Variants in CYFIP1 observed in about 807,000 individuals in gnomAD.
The protein encoded by CYFIP1 is cytoplasmic FMR1 interacting protein 1.
A neutral mutation model predicts 163.5 loss-of-function variants in CYFIP1; 58 were observed. The ratio of observed to expected loss-of-function variants is 0.35; its 90% CI spans 0.29 to 0.44. The LOEUF is 0.44. CYFIP1 is among the 20% of genes least tolerant of loss of function. The probability of loss-of-function intolerance (pLI) is 1.00; values close to 1 mark genes in which losing one functional copy is unlikely to be tolerated. For missense variants in CYFIP1, 1,338 were observed against 1,653.8 expected, an observed-to-expected ratio of 0.81 and a Z score of 3.31; for synonymous variants, 663 against 660.7, an observed-to-expected ratio of 1.00 and a Z score of -0.05.
Position 22,867,336 on chromosome 15 carries a change from T to C in CYFIP1, c.*2692A>G. 1 of 396,628 alleles carries C rather than the reference T, an allele frequency of 2.5e-6. No homozygotes were observed. The highest frequency in any genetic ancestry group is 4.4e-6 in the Non-Finnish European group (1 of 225,106). The allele number at this position is 396,628 out of a possible 1,614,324, so 24.6% of individuals were successfully genotyped here. On this transcript the variant is annotated 3_prime_UTR_variant, in exon 31 of 31. Coordinates refer to ENST00000617928, the MANE Select transcript of CYFIP1 (RefSeq NM_014608.6). Reference sequence around the variant, plus strand: ...ATGATGATTGGTTTTATTTTTGAAATATTTATTAAGGGAAAACTAAGTTAC... The same window carrying C: ...ATGATGATTGGTTTTATTTTTGAAACATTTATTAAGGGAAAACTAAGTTAC...
intron 26 of CYFIP1, among the ~76,000 whole-genome samples, chr15:22,875,886 A>ATT (rs941152512): frequency 6.4e-5 from 1 of 15,630 alleles, no homozygotes; most frequent in Non-Finnish European, 1.5e-4. Context: ...CCAGAATAAC[A>ATT]TATATATATA....
At position 22,951,474 on chromosome 15, in the gene CYFIP1, G is replaced by A. The variant is rs901163568; in HGVS notation, c.-6-4183C>T. On this transcript the variant is annotated intron_variant, in intron 1 of 30. Transcript: ENST00000617928. Reference sequence around the variant, plus strand: ...GTCCACGCAGGCACCTCAGGGTGATGCCGCTCGGAGGGGCCAGGCTGCCTG... The same window carrying A: ...GTCCACGCAGGCACCTCAGGGTGATACCGCTCGGAGGGGCCAGGCTGCCTG... 3 of 1,289,104 alleles carry A rather than the reference G, an allele frequency of 2.3e-6. No homozygotes were observed. The African/African-American group carries it at 4.6e-5, about 20-fold the overall frequency. The allele number at this position is 1,289,104 out of a possible 1,614,324, so 79.9% of individuals were successfully genotyped here.
intron 1 of CYFIP1, among the ~76,000 whole-genome samples, chr15:22,957,100 G>A (rs974617829): frequency 3.3e-5 from 5 of 152,208 alleles, no homozygotes; most frequent in East Asian, 1.9e-4. Context: ...TGTGGCAGGC[G>A]GCACGCCGAC....
Position 22,954,805 on chromosome 15 carries a change from A to G in CYFIP1, c.-6-7514T>C, listed in dbSNP as rs866202551. 5.3e-5 allele frequency among the ~76,000 whole-genome samples: 8 copies of G among 152,336 alleles called. No homozygotes were observed. The Middle Eastern group carries it at 0.014, about 259-fold the overall frequency. Reference sequence around the variant, plus strand: ...TCAGTTCGTTTATTTTGTAAATTTAAGAGTTTTTAAAAATAAAGATTTCAA... The same window carrying G: ...TCAGTTCGTTTATTTTGTAAATTTAGGAGTTTTTAAAAATAAAGATTTCAA... On this transcript the variant is annotated intron_variant, in intron 1 of 30. Coordinates refer to ENST00000617928, the MANE Select transcript of CYFIP1 (RefSeq NM_014608.6).
At chr15:22,932,864 C>T (rs1383843699) in intron 10 of CYFIP1, among the ~76,000 whole-genome samples, 1 of 152,150 alleles carries the variant, frequency 6.6e-6, no homozygotes, top group African/African-American at 2.4e-5. Context: ...GGGTCTTGCT[C>T]TCTTGCCCAG....
chr15:22,980,637 T>G (rs559972953), upstream of CYFIP1, among the ~76,000 whole-genome samples: 1 of 151,920 alleles, frequency 6.6e-6, no homozygotes, highest in East Asian at 2.0e-4. Context: ...GGGGTCCTCC[T>G]GCGGGTCCGT....
At chr15:22,907,320 T>C (rs542639707) in intron 21 of CYFIP1, among the ~76,000 whole-genome samples, 15 of 152,288 alleles carry the variant, frequency 9.8e-5, no homozygotes, top group East Asian at 1.9e-4. Flanking sequence ...TGTACTCAAA[T>C]TGCCTGACTC....
intron 1 of CYFIP1, among the ~76,000 whole-genome samples, chr15:22,952,592 T>C (rs1332297151): frequency 7.6e-6 from 1 of 131,444 alleles, no homozygotes; most frequent in Non-Finnish European, 1.5e-5. Flanking sequence ...GAGGCGGAGG[T>C]TGCAGTGAGC....
intron 6 of CYFIP1, among the ~76,000 whole-genome samples, chr15:22,940,351 G>A (rs1036655307): frequency 6.6e-6 from 1 of 152,076 alleles, no homozygotes; most frequent in Non-Finnish European, 1.5e-5. Flanking sequence ...CGTGTGCCTC[G>A]CCCACCCTGC....
intron 1 of CYFIP1, among the ~76,000 whole-genome samples, chr15:22,950,506 TGGA>T (rs1435347518): frequency 7.0e-6 from 1 of 143,660 alleles, no homozygotes; most frequent in Non-Finnish European, 1.5e-5. Context: ...CTGACAGAGC[TGGA>T]AGAAGAAATG....
chr15:22,872,532 T>C lies in CYFIP1; in HGVS notation c.3597+293A>G. ...TTAAAGCAGCCAAGAAAGCACAGAC[T>C]TCCAGGGGCCCGAAGACTATAGTTG... is the stretch of plus-strand genomic sequence containing the variant. On this transcript the variant is annotated intron_variant, in intron 30 of 30. Transcript: ENST00000617928. The C allele has an allele frequency of 1.6e-5, 5 of 315,524 alleles. No individual in the cohort carries two copies. In the South Asian group the frequency reaches 1.9e-4, roughly 12 times the overall value. The allele number at this position is 315,524 out of a possible 1,614,324, so 19.5% of individuals were successfully genotyped here.
rs771744070 is a variant in CYFIP1, at chr15:22,873,624, C to A, written c.3316G>T (p.Asp1106Tyr). The change falls in exon 29 of 31, where the codon GAC (aspartate) becomes TAC (tyrosine). Residue 1106 changes from aspartate (D) to tyrosine (Y), a missense_variant. Around this residue, in one of 4 missense-constraint regions of CYFIP1, gnomAD observed 306 missense variants for 322.1 expected, o/e 0.95. Transcript: ENST00000617928. ...GGCAGAGGCCCGCGCCAGATGGGGT[C>A]ATCCAGAAAGCTCCGGATCCGTGTC... The part of the protein sequence containing the change: ...ILTRIRSFLD[D>Y]PIWRGPLPSN... 4.3e-6 allele frequency: 7 copies of A among 1,614,134 alleles called. No individual in the cohort carries two copies. Among genetic ancestry groups the A allele is most frequent in the Middle Eastern group, 1.6e-4 (1 of 6,084 alleles).
At chr15:22,924,648 T>C (rs574223747) in intron 13 of CYFIP1, among the ~76,000 whole-genome samples, 15 of 152,210 alleles carry the variant, frequency 9.9e-5, no homozygotes, top group Non-Finnish European at 1.8e-4. Context: ...ATTGTGACTG[T>C]ACAACTCTGT....
In CYFIP1 at chr15:22,874,569, T is replaced by C; in HGVS notation, c.3191A>G (p.Glu1064Gly). ...CGTTACCTGAGGGGTCCCCAGTCTT[T>C]CAATCAGTGGGACAAGATGCAGCGG... ...YAPLHLVPLI[E>G]RLGTPQQIAI... The change falls in exon 28 of 31, where the codon GAA (glutamate) becomes GGA (glycine). Residue 1064 changes from glutamate to glycine, a missense_variant. Physicochemically the swap from Glu to Gly is moderately conservative, Grantham distance 98. Coordinates refer to ENST00000617928, the MANE Select transcript of CYFIP1 (RefSeq NM_014608.6). 6.2e-7 allele frequency: 1 copy of C among 1,605,258 alleles called. No homozygotes were observed. Among genetic ancestry groups the C allele is most frequent in the South Asian group, 1.1e-5 (1 of 89,330 alleles).
intron 10 of CYFIP1, among the ~76,000 whole-genome samples, chr15:22,933,517 T>TAA (rs1482693726): frequency 6.6e-6 from 1 of 151,700 alleles, no homozygotes; most frequent in Non-Finnish European, 1.5e-5. Flanking sequence ...GGTTTCACCG[T>TAA]GTTAGCTAGG....
At chr15:22,957,592 T>G (rs547192822) in intron 1 of CYFIP1, among the ~76,000 whole-genome samples, 1 of 152,086 alleles carries the variant, frequency 6.6e-6, no homozygotes, top group Non-Finnish European at 1.5e-5. Context: ...GCCGAGATCG[T>G]GTCACTGCAC....
chr15:22,975,135 C>T (rs2063222019), intron 1 of CYFIP1, among the ~76,000 whole-genome samples: 1 of 152,110 alleles, frequency 6.6e-6, no homozygotes, highest in Non-Finnish European at 1.5e-5. Flanking sequence ...GTATGTAATA[C>T]ATATAACTTA....
rs778722046 is a variant in CYFIP1 at position 22,870,089 on chromosome 15, G to C, written c.3701C>G (p.Thr1234Arg). ...GAAGCAGCGCACATGCTCCACTGGC[G>C]TGCCCTCCCCGTCGCCTGACTTCAG... is the stretch of plus-strand genomic sequence containing the variant. The part of the protein sequence containing the change: ...KYLKSGDGEG[T>R]PVEHVRCFQP... The change falls in exon 31 of 31, where the codon ACG becomes AGG. Residue 1234 changes from threonine to arginine, a missense_variant. By Grantham distance (71) the Thr-to-Arg change is moderately conservative. This residue lies in a region of CYFIP1 where 306 missense variants were observed against 322.1 expected (regional missense o/e 0.95). Coordinates refer to ENST00000617928, the MANE Select transcript of CYFIP1 (RefSeq NM_014608.6). 1 of 1,612,690 alleles carries C rather than the reference G, an allele frequency of 6.2e-7. No individual in the cohort carries two copies. Among genetic ancestry groups the C allele is most frequent in the Non-Finnish European group, 8.5e-7 (1 of 1,179,486 alleles).
At chr15:22,921,502 A>G (rs2061175640) in intron 13 of CYFIP1, among the ~76,000 whole-genome samples, 1 of 152,064 alleles carries the variant, frequency 6.6e-6, no homozygotes, top group South Asian at 2.1e-4. Context: ...ATGCTTAGCA[A>G]GAATAACAAA....
Sources: gnomAD v4.1 joint callset for allele counts (sites outside exome capture counted in the v4.1 genomes callset) on GRCh38, gnomAD v4.1.1 for gene constraint, gnomAD v4.1.1 regional missense constraint, MANE v1.5 for transcripts, NCBI Gene and HGNC (gene_info 2026-07-23, HGNC 2026-07-21) for gene names.